Variants in TRPS1 observed in about 807,000 individuals in gnomAD.
The protein encoded by TRPS1 is transcriptional repressor GATA binding 1.
In TRPS1, 6 loss-of-function variants were observed where a neutral mutation model predicts 101.2. The ratio of observed to expected loss-of-function variants is 0.06; its 90% CI spans 0.03 to 0.12. TRPS1 has a LOEUF of 0.12. Ranked by LOEUF, TRPS1 falls within the 10% of genes least tolerant of loss-of-function variation. The pLI, the probability that TRPS1 is intolerant of heterozygous loss-of-function variation, is 1.00. For missense variants in TRPS1, 1,363 were observed against 1,567.0 expected (o/e 0.87, Z 2.20); for synonymous variants, 578 against 589.8 (o/e 0.98, Z 0.29).
intron 1 of TRPS1, chr8:115,668,231 G>C (rs1194275373): frequency 2.7e-6 from 1 of 370,730 alleles, no homozygotes; most frequent in African/African-American, 2.1e-5. Context: ...GGGAAAAAGG[G>C]AGCAGAAGAG....
At chr8:115,556,838 C>T (rs567959575) in intron 5 of TRPS1, among the ~76,000 whole-genome samples, 2 of 152,272 alleles carry the variant, frequency 1.3e-5, no homozygotes, top group Admixed American at 6.5e-5. Context: ...CTTCCTATTA[C>T]CTCATCCCTA....
At chr8:115,501,392 A>G (rs1815316063) in intron 5 of TRPS1, among the ~76,000 whole-genome samples, 1 of 152,222 alleles carries the variant, frequency 6.6e-6, no homozygotes, top group Non-Finnish European at 1.5e-5. Context: ...ATGGTATAGT[A>G]TAATGGCAAC....
intron 5 of TRPS1, among the ~76,000 whole-genome samples, chr8:115,443,147 G>C (rs914272568): frequency 1.3e-5 from 2 of 151,912 alleles, no homozygotes; most frequent in African/African-American, 4.8e-5. Context: ...GCATATTCCT[G>C]TAGTCCCAGC....
intron 5 of TRPS1, among the ~76,000 whole-genome samples, chr8:115,450,937 C>G (rs1813855784): frequency 7.0e-6 from 1 of 142,490 alleles, no homozygotes; most frequent in African/African-American, 2.5e-5. Flanking sequence ...CATCAGAATT[C>G]TGATGACATA....
At chr8:115,667,174 C>T (rs1330458288) in intron 1 of TRPS1, among the ~76,000 whole-genome samples, 5 of 152,152 alleles carry the variant, frequency 3.3e-5, no homozygotes, top group African/African-American at 1.2e-4. Flanking sequence ...CTCTGAAACC[C>T]ACCAGTCCTT....
intron 1 of TRPS1, among the ~76,000 whole-genome samples, chr8:115,632,570 G>A (rs772357084): frequency 6.6e-6 from 1 of 152,018 alleles, no homozygotes; most frequent in Non-Finnish European, 1.5e-5. Flanking sequence ...ATCTGTATCA[G>A]CAGTAGAATA....
In TRPS1 at chr8:115,619,580, G is replaced by A. The variant is rs773616933; in HGVS notation, c.518C>T (p.Ala173Val). Residue 173 changes from alanine to valine, a missense_variant, in exon 3 of 7, where the codon GCT becomes GTT. Physicochemically the swap from Ala to Val is moderately conservative, Grantham distance 64. This residue lies in a region of TRPS1 where 1,020 missense variants were observed against 1,073.0 expected (regional missense o/e 0.95). Coordinates refer to ENST00000395715, the MANE Select transcript of TRPS1 (RefSeq NM_014112.5). The stretch of plus-strand genomic sequence containing the variant: ...CTGTGCTTGCCCTGTTTCCTCTGTA[G>A]CCTTTGGTGACATCTTCTGATCTTC... Reference protein sequence around the residue: ...TKEDQKMSPKATEETGQAQSG... With the variant: ...TKEDQKMSPKVTEETGQAQSG... The A allele has an allele frequency of 6.2e-7, 1 of 1,614,172 alleles. No homozygotes were observed. The highest frequency in any genetic ancestry group is 1.1e-5 in the South Asian group (1 of 91,076).
rs1279609771 is a variant in TRPS1, at chr8:115,588,771, ATTAC to A, written c.2097-1171_2097-1168del. Among the ~76,000 whole-genome samples, 3 of 152,222 alleles carry A rather than the reference ATTAC, an allele frequency of 2.0e-5. No homozygotes were observed. The East Asian group carries it at 5.8e-4, about 29-fold the overall frequency. ...AGTAACAAAATAAATTTTGTGAGCT[ATTAC>A]TTAAAGCTGTAAGATACTGTAAGTT... On this transcript the variant is annotated intron_variant, in intron 4 of 6. Transcript: ENST00000395715.
intron 5 of TRPS1, among the ~76,000 whole-genome samples, chr8:115,449,885 T>C (rs1275123900): frequency 1.3e-5 from 2 of 151,744 alleles, no homozygotes; most frequent in African/African-American, 2.4e-5. Flanking sequence ...AGGAAATACT[T>C]TGAGCTTCAC....
At chr8:115,581,381 T>A (rs1211721480) in intron 5 of TRPS1, among the ~76,000 whole-genome samples, 1 of 152,100 alleles carries the variant, frequency 6.6e-6, no homozygotes, top group African/African-American at 2.4e-5. Flanking sequence ...TAGTATGTAG[T>A]TTCAAATAGC....
At chr8:115,592,524 T>C (rs1379401758) in intron 4 of TRPS1, among the ~76,000 whole-genome samples, 1 of 152,148 alleles carries the variant, frequency 6.6e-6, no homozygotes, top group African/African-American at 2.4e-5. Context: ...TGAACACCAC[T>C]AGGTGAAGCA....
chr8:115,569,912 T>TA (rs1393432639), intron 5 of TRPS1, among the ~76,000 whole-genome samples: 3 of 151,892 alleles, frequency 2.0e-5, no homozygotes, highest in African/African-American at 7.3e-5. Context: ...TCAATTTTAT[T>TA]AAAAAAAGAA....
chr8:115,507,256 G>A (rs975581623), intron 5 of TRPS1, among the ~76,000 whole-genome samples: 1 of 152,070 alleles, frequency 6.6e-6, no homozygotes, highest in Non-Finnish European at 1.5e-5. Context: ...ACGAGAAGAA[G>A]GGGGCTGGAA....
rs780212915 is a variant in TRPS1, at chr8:115,604,930, G to A, written c.1039C>T (p.Arg347Cys). 21 of 1,613,802 alleles carry A rather than the reference G, an allele frequency of 1.3e-5. No individual in the cohort carries two copies. The highest frequency in any genetic ancestry group is 4.0e-5 in the African/African-American group (3 of 74,852). Residue 347 changes from arginine (R) to cysteine (C), a missense_variant, in exon 4 of 7, where the codon CGC becomes TGC. Arg to Cys is a radical substitution (Grantham distance 180). Transcript: ENST00000395715. The surrounding 1 kb of genome is among the most constrained non-coding windows in gnomAD (Gnocchi z 4.1). ...TAAGTGAAATTGCAGAATTTACAGC[G>A]GAAATACTTGGTGTTCCCTTGGCAA... ...PDCQGNTKYF[R>C]CKFCNFTYMG...
intron 5 of TRPS1, among the ~76,000 whole-genome samples, chr8:115,486,058 G>C (rs1814870958): frequency 6.6e-6 from 1 of 152,190 alleles, no homozygotes; most frequent in Non-Finnish European, 1.5e-5. Context: ...CAAAATGTCA[G>C]TTTGTGGCAA....
chr8:115,470,569 G>A (rs1814442481), intron 5 of TRPS1, among the ~76,000 whole-genome samples: 1 of 152,032 alleles, frequency 6.6e-6, no homozygotes, highest in Non-Finnish European at 1.5e-5. Flanking sequence ...AAGTCCTTTT[G>A]TTTCATCTGG....
At chr8:115,535,203 C>T (rs1816261282) in intron 5 of TRPS1, among the ~76,000 whole-genome samples, 1 of 142,024 alleles carries the variant, frequency 7.0e-6, no homozygotes, top group South Asian at 2.2e-4. Flanking sequence ...ATATATATAG[C>T]ATATGTATAG....
intron 5 of TRPS1, among the ~76,000 whole-genome samples, chr8:115,495,576 A>G (rs1815129693): frequency 6.6e-6 from 1 of 151,714 alleles, no homozygotes; most frequent in Non-Finnish European, 1.5e-5. Context: ...TGACATTGGA[A>G]TGTTTTCCAT....
chr8:115,615,066 C>T (rs563158511), intron 3 of TRPS1, among the ~76,000 whole-genome samples: 1 of 152,256 alleles, frequency 6.6e-6, no homozygotes, highest in South Asian at 2.1e-4. Flanking sequence ...AAATGTAACA[C>T]TCCTAGCTCA....
Sources: allele counts gnomAD v4.1 joint callset (sites outside exome capture counted in the v4.1 genomes callset), GRCh38; gene constraint gnomAD v4.1.1; regional missense constraint gnomAD v4.1.1; non-coding constraint Gnocchi (gnomAD v3.1); transcripts MANE v1.5; gene names NCBI Gene and HGNC (gene_info 2026-07-23, HGNC 2026-07-21).